SLC25A42: variants seen among roughly 807,000 people sequenced by gnomAD.
The protein encoded by SLC25A42 is mitochondrial coenzyme A transporter SLC25A42.
A neutral mutation model predicts 34.7 loss-of-function variants in SLC25A42; 19 were observed. That is an observed-to-expected ratio of 0.55 (90% CI 0.38 to 0.80). SLC25A42 has a LOEUF of 0.80. Among genes scored for constraint, SLC25A42 ranks in the 30% least tolerant of loss-of-function variants. The pLI is 0.00. For missense variants in SLC25A42, 364 were observed against 441.3 expected, an observed-to-expected ratio of 0.82 and a Z score of 1.57; for synonymous variants, 205 against 191.2, an observed-to-expected ratio of 1.07 and a Z score of -0.59.
chr19:19,105,786 T>C (rs564985191), intron 5 of SLC25A42, 59 bp downstream of exon 5: 21 of 1,378,116 alleles, frequency 1.5e-5, no homozygotes, highest in African/African-American at 1.4e-4. Context: ...CCCTCTCTCT[T>C]TCTTCTGCAC....
intron 2 of SLC25A42, among the ~76,000 whole-genome samples, chr19:19,097,780 T>C (rs2059773248): frequency 6.6e-6 from 1 of 152,158 alleles, no homozygotes; most frequent in South Asian, 2.1e-4. Flanking sequence ...CTGGCCAACA[T>C]GGTGAAACCC....
rs1346706156 is a variant in SLC25A42, at chr19:19,101,827, C to G, written c.128C>G (p.Ala43Gly). 1.2e-6 allele frequency: 2 copies of G among 1,613,890 alleles called. No individual in the cohort carries two copies. The change falls in exon 3 of 8, where the codon GCT (alanine) becomes GGT (glycine). Residue 43 changes from alanine to glycine, a missense_variant. By Grantham distance (60) the Ala-to-Gly change is moderately conservative (BLOSUM62 0). Transcript: ENST00000318596. ...VLSSLLSGALAGALAKTAVAP... is the reference protein window; with the variant it reads ...VLSSLLSGALGGALAKTAVAP... ...AGCTCCCTGCTGTCTGGGGCCCTGG[C>G]TGGTGCCCTTGCCAAAACAGCGGTA... is the stretch of plus-strand genomic sequence containing the variant.
chr19:19,067,184 T>A (rs4808914), intron 1 of SLC25A42, among the ~76,000 whole-genome samples: 9,710 of 152,216 alleles, frequency 0.064, 375 homozygotes, highest in Middle Eastern at 0.15. Context: ...GCACAAGAGA[T>A]CCTTTTGAAC....
chr19:19,111,161 C>T lies in SLC25A42; in HGVS notation c.*285C>T, dbSNP rs2059863046. 4.3e-5 allele frequency: 21 copies of T among 493,588 alleles called. No individual in the cohort carries two copies. In the South Asian group the frequency reaches 4.6e-4, roughly 11 times the overall value. The allele number at this position is 493,588 out of a possible 1,614,324, so 30.6% of individuals were successfully genotyped here. On this transcript the variant is annotated 3_prime_UTR_variant, in exon 8 of 8. Transcript: ENST00000318596. Reference sequence around the variant, plus strand: ...TCTGCCGGAGGTGTTGCCCAAAAGGCCCTAGTGGGGCGTGGTCAGCTCCAC... The same window carrying T: ...TCTGCCGGAGGTGTTGCCCAAAAGGTCCTAGTGGGGCGTGGTCAGCTCCAC...
At chr19:19,083,687 G>C (rs1426956945) in intron 1 of SLC25A42, among the ~76,000 whole-genome samples, 1 of 151,400 alleles carries the variant, frequency 6.6e-6, no homozygotes, top group African/African-American at 2.4e-5. Flanking sequence ...GTGGAGGGAA[G>C]TCACAGGAGC....
At chr19:19,083,065 A>C (rs1248514720) in intron 1 of SLC25A42, among the ~76,000 whole-genome samples, 2 of 151,920 alleles carry the variant, frequency 1.3e-5, no homozygotes, top group Non-Finnish European at 2.9e-5. Context: ...CAGGTGATCC[A>C]CCTGCCTCAG....
In SLC25A42 at chr19:19,110,713, C is replaced by T. The variant is rs2059859022; in HGVS notation, c.794C>T (p.Ala265Val). 3 of 1,601,652 alleles carry T rather than the reference C, an allele frequency of 1.9e-6. No individual in the cohort carries two copies. In the South Asian group the frequency reaches 3.3e-5, roughly 18 times the overall value. Residue 265 changes from alanine to valine, a missense_variant, in exon 8 of 8, where the codon GCC (alanine) becomes GTC (valine). Coordinates refer to ENST00000318596, the MANE Select transcript of SLC25A42 (RefSeq NM_178526.5). ...GCCGGCGTCACGGGCTACCCGCGCG[C>T]CTCCATCGCCCGCACGCTGCGCACC... ...QTAGVTGYPR[A>V]SIARTLRTIV...
At chr19:19,104,364 C>T (rs1343757202) in intron 3 of SLC25A42, among the ~76,000 whole-genome samples, 1 of 152,222 alleles carries the variant, frequency 6.6e-6, no homozygotes, top group Non-Finnish European at 1.5e-5. Flanking sequence ...TGCCAGACCA[C>T]GTCAGAGGCT....
chr19:19,105,522 C>A lies in SLC25A42; in HGVS notation c.214-39C>A, dbSNP rs374467322. On this transcript the variant is annotated intron_variant, in intron 4 of 7. Coordinates refer to ENST00000318596, the MANE Select transcript of SLC25A42 (RefSeq NM_178526.5). The stretch of plus-strand genomic sequence containing the variant: ...CACAGAGGCCCGCAGGGAGGGCAGG[C>A]AGAGGCAGAGGGATGTTGACCTTCC... The A allele has an allele frequency of 3.1e-6, 5 of 1,590,610 alleles. No individual in the cohort carries two copies. In the South Asian group the frequency reaches 5.7e-5, roughly 18 times the overall value.
intron 1 of SLC25A42, among the ~76,000 whole-genome samples, chr19:19,085,489 C>G (rs1391200088): frequency 6.6e-6 from 1 of 151,938 alleles, no homozygotes; most frequent in African/African-American, 2.4e-5. Context: ...TCAAGCTCTT[C>G]TCCTGCCTCA....
Position 19,110,698 on chromosome 19 carries a change from C to T in SLC25A42, c.779C>T (p.Thr260Met). The T allele has an allele frequency of 6.3e-7, 1 of 1,589,190 alleles. No individual in the cohort carries two copies. The highest frequency in any genetic ancestry group is 8.6e-7 in the Non-Finnish European group (1 of 1,168,924). The change falls in exon 8 of 8, where the codon ACG (threonine) becomes ATG (methionine). Residue 260 changes from threonine to methionine, a missense_variant. Thr to Met is a moderately conservative substitution (Grantham distance 81). Coordinates refer to ENST00000318596, the MANE Select transcript of SLC25A42 (RefSeq NM_178526.5). ...VRRRMQTAGV[T>M]GYPRASIART... ...CGGCGCATGCAGACGGCCGGCGTCA[C>T]GGGCTACCCGCGCGCCTCCATCGCC...
intron 2 of SLC25A42, among the ~76,000 whole-genome samples, chr19:19,100,755 G>T (rs912166195): frequency 2.6e-5 from 4 of 152,180 alleles, no homozygotes; most frequent in Non-Finnish European, 5.9e-5. Context: ...GGGACAGGAA[G>T]GGTCTTGTAC....
intron 1 of SLC25A42, among the ~76,000 whole-genome samples, chr19:19,068,649 C>T (rs1289930582): frequency 1.3e-5 from 2 of 151,976 alleles, no homozygotes; most frequent in African/African-American, 2.4e-5. Context: ...GCCTGGGCAA[C>T]AGGGCAAGAC....
chr19:19,110,427 G>A (rs1033371498), intron 7 of SLC25A42, 142 bp from the exon 8 acceptor site: 3 of 568,846 alleles, frequency 5.3e-6, no homozygotes, highest in African/African-American at 4.0e-5. Flanking sequence ...GGGTGCGCAT[G>A]AGTGCGAACA....
chr19:19,082,569 G>C (rs555906273), intron 1 of SLC25A42, among the ~76,000 whole-genome samples: 1 of 151,946 alleles, frequency 6.6e-6, no homozygotes, highest in Non-Finnish European at 1.5e-5. Context: ...TTGCCATGTC[G>C]ACCAGGCTGG....
At chr19:19,105,752 C>T in intron 5 of SLC25A42, 25 bp downstream of exon 5, 3 of 1,513,638 alleles carry the variant, frequency 2.0e-6, no homozygotes, top group South Asian at 1.2e-5. Context: ...CGCCCTGCCA[C>T]AGAATCGCCC....
chr19:19,104,802 T>G, intron 3 of SLC25A42, 111 bp from the exon 4 acceptor site: 1 of 1,147,276 alleles, frequency 8.7e-7, no homozygotes, highest in African/African-American at 2.6e-5. Flanking sequence ...TGGGACAAGA[T>G]TGGGGGGAAA....
intron 1 of SLC25A42, among the ~76,000 whole-genome samples, chr19:19,065,878 A>G (rs550938742): frequency 9.9e-5 from 15 of 152,042 alleles, no homozygotes; most frequent in South Asian, 2.1e-4. Flanking sequence ...TTTTTTTGAG[A>G]CGGAGTCTTG....
intron 5 of SLC25A42, 23 bp downstream of exon 5, chr19:19,105,750 C>T (rs1448300884): frequency 9.2e-6 from 14 of 1,518,772 alleles, no homozygotes; most frequent in Admixed American, 2.0e-5. Context: ...CCCGCCCTGC[C>T]ACAGAATCGC....
Sources: gnomAD v4.1 joint callset for allele counts (sites outside exome capture counted in the v4.1 genomes callset) on GRCh38, gnomAD v4.1.1 for gene constraint, MANE v1.5 for transcripts, NCBI Gene and HGNC (gene_info 2026-07-23, HGNC 2026-07-21) for gene names.